Variants in THOP1 observed in about 807,000 individuals in gnomAD.
THOP1 encodes the protein thimet oligopeptidase 1, also known as thimet oligopeptidase.
THOP1 carries 49 observed loss-of-function variants against 71.8 expected under a neutral mutation model. The ratio of observed to expected loss-of-function variants is 0.68; its 90% confidence interval spans 0.54 to 0.87. The LOEUF (loss-of-function observed/expected upper bound fraction) is 0.87. THOP1 is among the 40% of genes least tolerant of loss of function. The probability of loss-of-function intolerance (pLI) is 0.00; values close to 1 mark genes in which losing one functional copy is unlikely to be tolerated. For synonymous variants in THOP1, 426 were observed against 421.5 expected (o/e 1.01, Z -0.13); for missense variants, 843 against 975.6 (o/e 0.86, Z 1.81).
Position 2,799,765 on chromosome 19 carries a change from T to C in THOP1, c.563T>C (p.Phe188Ser). The change falls in exon 5 of 13, where the codon TTC becomes TCC. Residue 188 changes from phenylalanine (F) to serine (S), a missense_variant. Physicochemically the swap from Phe to Ser is radical, Grantham distance 155. Transcript: ENST00000307741. Reference protein sequence around the residue: ...FNKNLNEDTTFLPFTLQELGG... With the variant: ...FNKNLNEDTTSLPFTLQELGG... ...AAGAACCTGAACGAGGACACGACCT[T>C]CCTGCCCTTCACGCTCCAGGAGCTA... 6.2e-7 allele frequency: 1 copy of C among 1,613,972 alleles called. No homozygotes were observed. Among genetic ancestry groups the C allele is most frequent in the Non-Finnish European group, 8.5e-7 (1 of 1,179,984 alleles).
At chr19:2,795,475 G>A (rs565908283) in intron 3 of THOP1, among the ~76,000 whole-genome samples, 2 of 152,366 alleles carry the variant, frequency 1.3e-5, no homozygotes, top group East Asian at 1.9e-4. Context: ...CCTCTTAGGC[G>A]AGGACCCCTG....
At chr19:2,794,486 C>T (rs1377756908) in intron 2 of THOP1, among the ~76,000 whole-genome samples, 1 of 152,222 alleles carries the variant, frequency 6.6e-6, no homozygotes, top group Non-Finnish European at 1.5e-5. Flanking sequence ...TCTGTTGGGT[C>T]CTCCTTGGCT....
At chr19:2,787,582 T>C (rs1599516606) in intron 1 of THOP1, among the ~76,000 whole-genome samples, 1 of 152,360 alleles carries the variant, frequency 6.6e-6, no homozygotes, top group Non-Finnish European at 1.5e-5. Flanking sequence ...TCTAAAATCC[T>C]AAATACTCTG....
intron 3 of THOP1, among the ~76,000 whole-genome samples, chr19:2,795,240 CTG>C (rs1915986321): frequency 6.6e-6 from 1 of 152,178 alleles, no homozygotes; most frequent in African/African-American, 2.4e-5. Context: ...GATCACAGGC[CTG>C]AGCCACCACG....
In THOP1 at chr19:2,785,568, C is replaced by A; in HGVS notation, c.-95C>A. 2.9e-6 allele frequency: 4 copies of A among 1,389,182 alleles called. No individual in the cohort carries two copies. The highest frequency in any genetic ancestry group is 2.9e-6 in the Non-Finnish European group (3 of 1,052,444). 86.1% of individuals were successfully genotyped at this position (1,389,182 alleles called of 1,614,324 possible). A position where few individuals can be genotyped will look rare whatever the true frequency, so the allele number is the denominator to read the frequency against. On this transcript the variant is annotated 5_prime_UTR_variant, in exon 1 of 13. Coordinates refer to ENST00000307741, the MANE Select transcript of THOP1 (RefSeq NM_003249.5). ...CAGGCGGCCGTGGCGGCGGTGGCGG[C>A]GGTTGGGCCGAGGCAGGCGGCCTCA...
At position 2,810,365 on chromosome 19, in the gene THOP1, A is replaced by G. The variant is rs1321129698; in HGVS notation, c.1517A>G (p.Gln506Arg). ...CGGGACTTTGTGGAGGCGCCGTCGC[A>G]GATGCTGGAGAACTGGGTGTGGGAG... is the stretch of plus-strand genomic sequence containing the variant. ...VERDFVEAPS[Q>R]MLENWVWEQE... The change falls in exon 10 of 13, where the codon CAG becomes CGG. Residue 506 changes from glutamine to arginine, a missense_variant. Transcript: ENST00000307741. 6.2e-7 allele frequency: 1 copy of G among 1,611,518 alleles called. No individual in the cohort carries two copies. The highest frequency in any genetic ancestry group is 8.5e-7 in the Non-Finnish European group (1 of 1,179,740).
At position 2,813,181 on chromosome 19, in the gene THOP1, A is replaced by G. The variant is rs1916526883; in HGVS notation, c.1975A>G (p.Arg659Gly). The G allele has an allele frequency of 3.7e-6, 6 of 1,612,182 alleles. No individual in the cohort carries two copies. The South Asian group carries it at 6.6e-5, about 18-fold the overall frequency. Residue 659 changes from arginine to glycine, a missense_variant, in exon 13 of 13, where the codon AGG (arginine) becomes GGG (glycine). Physicochemically the swap from Arg to Gly is moderately radical, Grantham distance 125 (BLOSUM62 -2). Coordinates refer to ENST00000307741, the MANE Select transcript of THOP1 (RefSeq NM_003249.5). Reference sequence around the variant, plus strand: ...TTCCGAGGATGCCAGCGCCATGCTGAGGCGCTTCCTGGGCCGTGACCCCAA... The same window carrying G: ...TTCCGAGGATGCCAGCGCCATGCTGGGGCGCTTCCTGGGCCGTGACCCCAA... Reference protein sequence around the residue: ...GGSEDASAMLRRFLGRDPKQD... With the variant: ...GGSEDASAMLGRFLGRDPKQD...
intron 2 of THOP1, among the ~76,000 whole-genome samples, chr19:2,794,457 C>A (rs1184208711): frequency 1.3e-5 from 2 of 152,262 alleles, no homozygotes; most frequent in Non-Finnish European, 2.9e-5. Flanking sequence ...CCGTCAGCCT[C>A]TGTTTCGTCG....
In THOP1 at chr19:2,808,293, T is replaced by C. The variant is rs765322861; in HGVS notation, c.1304T>C (p.Leu435Pro). ...TGCTTTGGCCTGCAGCCCGGCTGCC[T>C]GCGGCAGGATGGGAGCCGCCAGATC... ...AACFGLQPGC[L>P]RQDGSRQIAI... The change falls in exon 9 of 13, where the codon CTG (leucine) becomes CCG (proline). Residue 435 changes from leucine to proline, a missense_variant. By Grantham distance (98) the Leu-to-Pro change is moderately conservative. Coordinates refer to ENST00000307741, the MANE Select transcript of THOP1 (RefSeq NM_003249.5). The C allele has an allele frequency of 1.3e-5, 20 of 1,569,274 alleles. No individual in the cohort carries two copies. The highest frequency in any genetic ancestry group is 1.7e-5 in the Non-Finnish European group (20 of 1,157,560).
At chr19:2,808,932 C>T (rs1322101745) in intron 9 of THOP1, among the ~76,000 whole-genome samples, 1 of 152,214 alleles carries the variant, frequency 6.6e-6, no homozygotes, top group Non-Finnish European at 1.5e-5. Flanking sequence ...GTGGTCCACG[C>T]CTGTAATCCC....
In THOP1 at chr19:2,815,530, G is replaced by A. The variant is rs1916582360; in HGVS notation, c.*2254G>A. On this transcript the variant is annotated 3_prime_UTR_variant, in exon 13 of 13. Transcript: ENST00000307741. ...AGGGCCCTGTTCCCCAGGGAGCTGGGCGTCCTCAGAGCCTTCCCAAATGCC... is the reference window on the plus strand; with the variant it reads ...AGGGCCCTGTTCCCCAGGGAGCTGGACGTCCTCAGAGCCTTCCCAAATGCC... The A allele has an allele frequency of 6.6e-6, 1 of 152,462 alleles. No homozygotes were observed. Among genetic ancestry groups the A allele is most frequent in the South Asian group, 2.1e-4 (1 of 4,838 alleles). The allele number at this position is 152,462 out of a possible 1,614,324, so 9.4% of individuals were successfully genotyped here. A position where few individuals can be genotyped will look rare whatever the true frequency, so the allele number is the denominator to read the frequency against.
At chr19:2,812,665 C>T (rs558976792) in intron 12 of THOP1, among the ~76,000 whole-genome samples, 37 of 152,216 alleles carry the variant, frequency 2.4e-4, no homozygotes, top group Non-Finnish European at 4.6e-4. Context: ...TCTGGGGCGT[C>T]GGGGTCTCCT....
chr19:2,812,239 T>C, intron 12 of THOP1: 1 of 1,533,526 alleles, frequency 6.5e-7, no homozygotes, highest in Non-Finnish European at 8.7e-7. Context: ...CATGTGAGCC[T>C]GTGCCTCCCG....
In THOP1 at chr19:2,796,047, C is replaced by G. The variant is rs376497721; in HGVS notation, c.379-34C>G. The G allele has an allele frequency of 1.9e-6, 3 of 1,566,504 alleles. No individual in the cohort carries two copies. The Admixed American group carries it at 5.0e-5, about 26-fold the overall frequency. ...TGCTCTTTGGAGCGGCTGCACTGGC[C>G]CACGTCCTACATGCTTTGATGTTTT... On this transcript the variant is annotated intron_variant, in intron 3 of 12. Transcript: ENST00000307741.
chr19:2,787,110 G>A (rs1001441889), intron 1 of THOP1: 2 of 151,974 alleles, frequency 1.3e-5, no homozygotes, highest in African/African-American at 4.8e-5. Flanking sequence ...TCTTGGCCAG[G>A]GTGGTCTCGA....
intron 2 of THOP1, 96 bp downstream of exon 2, chr19:2,790,729 C>T: frequency 8.2e-7 from 1 of 1,226,668 alleles, no homozygotes. Context: ...GGTTCAGAAC[C>T]TGGCTTGAAG....
In THOP1 at chr19:2,785,596, G is replaced by A. The variant is rs1915721410; in HGVS notation, c.-67G>A. Reference sequence around the variant, plus strand: ...TTGGGCCGAGGCAGGCGGCCTCAGTGGCCGAGGTGGCTGGACGCGTAGCAG... The same window carrying A: ...TTGGGCCGAGGCAGGCGGCCTCAGTAGCCGAGGTGGCTGGACGCGTAGCAG... On this transcript the variant is annotated 5_prime_UTR_variant, in exon 1 of 13. Coordinates refer to ENST00000307741, the MANE Select transcript of THOP1 (RefSeq NM_003249.5). 6.7e-7 allele frequency: 1 copy of A among 1,482,694 alleles called. No individual in the cohort carries two copies. Among genetic ancestry groups the A allele is most frequent in the African/African-American group, 1.4e-5 (1 of 69,178 alleles). The allele number at this position is 1,482,694 out of a possible 1,614,324, so 91.8% of individuals were successfully genotyped here.
intron 5 of THOP1, among the ~76,000 whole-genome samples, chr19:2,802,742 T>G (rs964775307): frequency 3.9e-5 from 6 of 152,372 alleles, no homozygotes; most frequent in Non-Finnish European, 7.3e-5. Flanking sequence ...GGATGACTTC[T>G]GCCGCCCTCA....
chr19:2,788,843 C>T (rs994592521), intron 1 of THOP1, among the ~76,000 whole-genome samples: 1 of 152,142 alleles, frequency 6.6e-6, no homozygotes, highest in African/African-American at 2.4e-5. Context: ...TCACTGCAAC[C>T]TCTGGCTCCT....
Sources: allele counts gnomAD v4.1 joint callset (sites outside exome capture counted in the v4.1 genomes callset), GRCh38; gene constraint gnomAD v4.1.1; transcripts MANE v1.5; gene names NCBI Gene and HGNC (gene_info 2026-07-23, HGNC 2026-07-21).